Variants in MLLT6 observed in about 807,000 individuals in gnomAD.
MLLT6 encodes MLLT6, PHD finger containing.
In MLLT6, 22 loss-of-function variants were observed where a neutral mutation model predicts 103.0. The observed-to-expected ratio is 0.21, with a 90% CI of 0.15 to 0.31. The LOEUF (loss-of-function observed/expected upper bound fraction) is 0.31, where lower values mean the gene tolerates loss of function less well. MLLT6 is among the 10% of genes least tolerant of loss of function. MLLT6 has a pLI of 1.00. For synonymous variants in MLLT6, 606 were observed against 623.5 expected (o/e 0.97, Z 0.42); for missense variants, 1,199 against 1,441.7 (o/e 0.83, Z 2.73).
intron 6 of MLLT6, among the ~76,000 whole-genome samples, chr17:38,710,015 A>G (rs1023135592): frequency 1.3e-5 from 2 of 152,230 alleles, no homozygotes; most frequent in Admixed American, 6.5e-5. Context: ...ACAGATGAGT[A>G]AACTAAGGCT....
intron 6 of MLLT6, among the ~76,000 whole-genome samples, chr17:38,711,615 G>A (rs1905143021): frequency 6.6e-6 from 1 of 152,054 alleles, no homozygotes. Flanking sequence ...GCCTCTTCTG[G>A]GCCTCAGTGG....
At chr17:38,712,627 T>C (rs987354915) in intron 7 of MLLT6, 64 bp from the exon 8 acceptor site, 1 of 1,060,000 alleles carries the variant, frequency 9.4e-7, no homozygotes, top group African/African-American at 1.6e-5. Flanking sequence ...CATACCCACA[T>C]GTCATGTTTG....
chr17:38,722,209 T>G lies in MLLT6; in HGVS notation c.2774T>G (p.Leu925Arg). 1 of 1,368,710 alleles carries G rather than the reference T, an allele frequency of 7.3e-7. No homozygotes were observed. The highest frequency in any genetic ancestry group is 9.4e-7 in the Non-Finnish European group (1 of 1,066,520). 84.8% of individuals were successfully genotyped at this position (1,368,710 alleles called of 1,614,324 possible). ...SQAGGAPTLQLPGCLNSLTEQ... is the reference protein window; with the variant it reads ...SQAGGAPTLQRPGCLNSLTEQ... ...GCTGGCGGGGCCCCCACGCTGCAGC[T>G]GCCAGGCTGTCTCAACAGGTGAGGG... Residue 925 changes from leucine (L) to arginine (R), a missense_variant, in exon 17 of 20, where the codon CTG becomes CGG. Around this residue, in one of 7 missense-constraint regions of MLLT6, gnomAD observed 1,034 missense variants for 1,091.5 expected, o/e 0.95. Coordinates refer to ENST00000621332, the MANE Select transcript of MLLT6 (RefSeq NM_005937.4).
intron 8 of MLLT6, 143 bp from the exon 9 acceptor site, chr17:38,715,469 T>C: frequency 7.2e-7 from 1 of 1,392,182 alleles, no homozygotes; most frequent in South Asian, 1.6e-5. Context: ...TCCTGGCCAC[T>C]CCCTGCCCGG....
Position 38,709,245 on chromosome 17 carries a change from C to A in MLLT6, c.427C>A (p.His143Asn). 2 of 1,613,786 alleles carry A rather than the reference C, an allele frequency of 1.2e-6. No homozygotes were observed. Among genetic ancestry groups the A allele is most frequent in the East Asian group, 4.5e-5 (2 of 44,884 alleles). ...ASGACMTCNR[H>N]GCRQAFHVTC... ...GGGAGCCTGCATGACCTGTAACCGC[C>A]ATGGATGTCGACAAGCTTTCCACGT... The change falls in exon 5 of 20, where the codon CAT becomes AAT. Residue 143 changes from histidine (H) to asparagine (N), a missense_variant. Transcript: ENST00000621332. The surrounding 1 kb of genome is among the most constrained non-coding windows in gnomAD (Gnocchi z 4.3).
rs1257480062 is a variant in MLLT6 at position 38,706,973 on chromosome 17, C to T, written c.133C>T (p.Pro45Ser). 6.2e-7 allele frequency: 1 copy of T among 1,612,050 alleles called. No individual in the cohort carries two copies. Among genetic ancestry groups the T allele is most frequent in the Non-Finnish European group, 8.5e-7 (1 of 1,178,376 alleles). Reference sequence around the variant, plus strand: ...AGCTTGCTATGGCATCGTTCAGGTGCCAACGGGACCCTGGTTCTGCCGGAA... The same window carrying T: ...AGCTTGCTATGGCATCGTTCAGGTGTCAACGGGACCCTGGTTCTGCCGGAA... ...HQACYGIVQVPTGPWFCRKCE... is the reference protein window; with the variant it reads ...HQACYGIVQVSTGPWFCRKCE... The change falls in exon 2 of 20, where the codon CCA (proline) becomes TCA (serine). Residue 45 changes from proline to serine, a missense_variant. Coordinates refer to ENST00000621332, the MANE Select transcript of MLLT6 (RefSeq NM_005937.4).
At chr17:38,713,042 G>A (rs1432301577) in intron 8 of MLLT6, 1 of 776,160 alleles carries the variant, frequency 1.3e-6, no homozygotes, top group Non-Finnish European at 2.4e-6. Context: ...TCTGTCCAGA[G>A]GGCCTCAGCC....
chr17:38,721,851 A>T, intron 16 of MLLT6, 27 bp from the exon 17 acceptor site: 2 of 1,472,180 alleles, frequency 1.4e-6, no homozygotes, highest in Non-Finnish European at 1.8e-6. Flanking sequence ...TGGCCCTCTG[A>T]CCCCTCCCTT....
Position 38,727,882 on chromosome 17 carries a change from CTT to C in MLLT6, c.*2285_*2286del, listed in dbSNP as rs1364318614. 2 of 233,170 alleles carry C rather than the reference CTT, an allele frequency of 8.6e-6. No individual in the cohort carries two copies. Among genetic ancestry groups the C allele is most frequent in the Admixed American group, 1.1e-4 (2 of 17,784 alleles). The allele number at this position is 233,170 out of a possible 1,614,324, so 14.4% of individuals were successfully genotyped here. Reference sequence around the variant, plus strand: ...CACGCCCTTGCCCAAGGCTGGCCCACTTAGAGCGAAACTTAACTTTTGTCTGG... The same window carrying C: ...CACGCCCTTGCCCAAGGCTGGCCCACAGAGCGAAACTTAACTTTTGTCTGG... On this transcript the variant is annotated 3_prime_UTR_variant, in exon 20 of 20. Coordinates refer to ENST00000621332, the MANE Select transcript of MLLT6 (RefSeq NM_005937.4).
Position 38,725,663 on chromosome 17 carries a change from G to T in MLLT6, c.*65G>T. On this transcript the variant is annotated 3_prime_UTR_variant, in exon 20 of 20. Coordinates refer to ENST00000621332, the MANE Select transcript of MLLT6 (RefSeq NM_005937.4). ...ACAGATCCTGGCCTGAGGGGTCCTA[G>T]CCTGGAGCAGGCGCCTGCGCCCAGA... is the stretch of plus-strand genomic sequence containing the variant. The T allele has an allele frequency of 7.2e-7, 1 of 1,393,740 alleles. No homozygotes were observed. Among genetic ancestry groups the T allele is most frequent in the Non-Finnish European group, 9.8e-7 (1 of 1,020,514 alleles). The allele number at this position is 1,393,740 out of a possible 1,614,324, so 86.3% of individuals were successfully genotyped here. A position where few individuals can be genotyped will look rare whatever the true frequency, so the allele number is the denominator to read the frequency against.
chr17:38,720,261 C>T (rs1455225974), intron 14 of MLLT6, 111 bp from the exon 15 acceptor site: 3 of 1,074,926 alleles, frequency 2.8e-6, no homozygotes, highest in East Asian at 2.6e-5. Context: ...CTTAGGATGG[C>T]GCCGCCTTTT....
At chr17:38,712,923 C>G (rs778284751) in intron 8 of MLLT6, 134 bp downstream of exon 8, 6 of 748,872 alleles carry the variant, frequency 8.0e-6, no homozygotes, top group Non-Finnish European at 1.5e-5. Context: ...CACTCCCCTC[C>G]TACCCCATAC....
Position 38,727,608 on chromosome 17 carries a change from G to T in MLLT6, c.*2010G>T. 1 of 191,988 alleles carries T rather than the reference G, an allele frequency of 5.2e-6. No individual in the cohort carries two copies. The highest frequency in any genetic ancestry group is 1.1e-5 in the Non-Finnish European group (1 of 91,886). The allele number at this position is 191,988 out of a possible 1,614,324, so 11.9% of individuals were successfully genotyped here. A position where few individuals can be genotyped will look rare whatever the true frequency, so the allele number is the denominator to read the frequency against. ...ACTTAAGGTCAGGAGTTCAAGACCAGCCTGGCCAACATGGTGAAACCCCGT... is the reference window on the plus strand; with the variant it reads ...ACTTAAGGTCAGGAGTTCAAGACCATCCTGGCCAACATGGTGAAACCCCGT... On this transcript the variant is annotated 3_prime_UTR_variant, in exon 20 of 20. Coordinates refer to ENST00000621332, the MANE Select transcript of MLLT6 (RefSeq NM_005937.4).
At position 38,720,701 on chromosome 17, in the gene MLLT6, G is replaced by A; in HGVS notation, c.2396G>A (p.Gly799Glu). Residue 799 changes from glycine (G) to glutamate (E), a missense_variant, in exon 16 of 20, where the codon GGA becomes GAA. Coordinates refer to ENST00000621332, the MANE Select transcript of MLLT6 (RefSeq NM_005937.4). ...TTGAGCACCAGCAAGAGCCCTCCGGGAAAGAGCAGCCTCGGCCTGGACAAC... is the reference window on the plus strand; with the variant it reads ...TTGAGCACCAGCAAGAGCCCTCCGGAAAAGAGCAGCCTCGGCCTGGACAAC... ...DSLSTSKSPP[G>E]KSSLGLDNSL... 1 of 1,613,914 alleles carries A rather than the reference G, an allele frequency of 6.2e-7. No homozygotes were observed. The highest frequency in any genetic ancestry group is 8.5e-7 in the Non-Finnish European group (1 of 1,180,046).
chr17:38,724,768 G>T lies in MLLT6; in HGVS notation c.3032G>T (p.Gly1011Val), dbSNP rs779497147. ...CCGCTGCTGTCTGCGGGTACCCCTG[G>T]CCTGCTGCCCACAGCGTCTGCTCCA... ...STPLLSAGTPGLLPTASAPPL... is the reference protein window; with the variant it reads ...STPLLSAGTPVLLPTASAPPL... The change falls in exon 19 of 20, where the codon GGC becomes GTC. Residue 1011 changes from glycine (G) to valine (V), a missense_variant. Gly to Val is a moderately radical substitution (Grantham distance 109). Coordinates refer to ENST00000621332, the MANE Select transcript of MLLT6 (RefSeq NM_005937.4). The surrounding 1 kb of genome is among the most constrained non-coding windows in gnomAD (Gnocchi z 5.4). 7.5e-6 allele frequency: 12 copies of T among 1,608,362 alleles called. No homozygotes were observed. The highest frequency in any genetic ancestry group is 1.0e-5 in the Non-Finnish European group (12 of 1,177,898).
At position 38,707,530 on chromosome 17, in the gene MLLT6, T is replaced by G. The variant is rs1366119392; in HGVS notation, c.234T>G (p.Thr78=). The change falls in exon 3 of 20, where the codon ACT becomes ACG. Residue 78 remains threonine, a synonymous_variant. Transcript: ENST00000621332. ...CPHKDGALKR[T]DNGGWAHVVC... is the part of the protein sequence containing the mutation. ...ACAAAGACGGGGCATTGAAGAGGAC[T>G]GATAATGGAGGTGAGGCGGGCTCAT... is the stretch of plus-strand genomic sequence containing the variant. The G allele has an allele frequency of 8.7e-6, 14 of 1,613,980 alleles. No individual in the cohort carries two copies. Among genetic ancestry groups the G allele is most frequent in the Non-Finnish European group, 1.2e-5 (14 of 1,180,038 alleles).
At position 38,709,218 on chromosome 17, in the gene MLLT6, T is replaced by G; in HGVS notation, c.400T>G (p.Ser134Ala). The G allele has an allele frequency of 6.2e-7, 1 of 1,612,900 alleles. No individual in the cohort carries two copies. The highest frequency in any genetic ancestry group is 8.5e-7 in the Non-Finnish European group (1 of 1,179,566). ...EEQGRESKAA[S>A]GACMTCNRHG... Reference sequence around the variant, plus strand: ...GCAGGGCCGGGAGAGCAAGGCGGCCTCGGGAGCCTGCATGACCTGTAACCG... The same window carrying G: ...GCAGGGCCGGGAGAGCAAGGCGGCCGCGGGAGCCTGCATGACCTGTAACCG... Residue 134 changes from serine to alanine, a missense_variant, in exon 5 of 20, where the codon TCG becomes GCG. Physicochemically the swap from Ser to Ala is moderately conservative, Grantham distance 99 (BLOSUM62 1). This residue lies in a region of MLLT6 where 59 missense variants were observed against 135.1 expected (regional missense o/e 0.44). Transcript: ENST00000621332. This position sits in a 1 kb window ranked among gnomAD's most constrained non-coding sequence, Gnocchi z 4.3.
Position 38,719,510 on chromosome 17 carries a change from T to G in MLLT6, c.1943-7T>G. 1.9e-6 allele frequency: 3 copies of G among 1,607,390 alleles called. No individual in the cohort carries two copies. Among genetic ancestry groups the G allele is most frequent in the Non-Finnish European group, 2.5e-6 (3 of 1,177,418 alleles). ...CCACGCTGATCCCAGCCTTCCCTTCTTCCAAGAGCCAGACCTGGAGGACTG... is the reference window on the plus strand; with the variant it reads ...CCACGCTGATCCCAGCCTTCCCTTCGTCCAAGAGCCAGACCTGGAGGACTG... On this transcript the variant is annotated splice_polypyrimidine_tract_variant and splice_region_variant and intron_variant, in intron 12 of 19. Coordinates refer to ENST00000621332, the MANE Select transcript of MLLT6 (RefSeq NM_005937.4).
At position 38,728,974 on chromosome 17, in the gene MLLT6, C is replaced by G. The variant is rs953176877; in HGVS notation, c.*3376C>G. The G allele has an allele frequency of 4.3e-5, 10 of 233,722 alleles. No homozygotes were observed. Among genetic ancestry groups the G allele is most frequent in the Non-Finnish European group, 7.6e-5 (9 of 118,192 alleles). 14.5% of individuals were successfully genotyped at this position (233,722 alleles called of 1,614,324 possible). On this transcript the variant is annotated 3_prime_UTR_variant, in exon 20 of 20. Transcript: ENST00000621332. ...GGGTCTGCTGCTGCCTCAAGGTGTC[C>G]TGACCTTGAGGCTGATGAGGGGACC...
Sources: allele counts gnomAD v4.1 joint callset (sites outside exome capture counted in the v4.1 genomes callset), GRCh38; gene constraint gnomAD v4.1.1; regional missense constraint gnomAD v4.1.1; non-coding constraint Gnocchi (gnomAD v3.1); transcripts MANE v1.5; gene names NCBI Gene and HGNC (gene_info 2026-07-23, HGNC 2026-07-21).